C19orf47: variants seen among roughly 807,000 people sequenced by gnomAD.
C19orf47 encodes the protein chromosome 19 open reading frame 47, also known as uncharacterized protein C19orf47.
In C19orf47, 18 loss-of-function variants were observed where a neutral mutation model predicts 32.3. That is an observed-to-expected ratio of 0.56 (90% CI 0.39 to 0.83). The LOEUF is 0.83. C19orf47 is among the 40% of genes least tolerant of loss of function. C19orf47 has a pLI of 0.00. For missense variants in C19orf47, 484 were observed against 531.6 expected (o/e 0.91, Z 0.88); for synonymous variants, 202 against 211.1 (o/e 0.96, Z 0.37).
chr19:40,328,496 G>C lies in C19orf47; in HGVS notation c.356C>G (p.Pro119Arg), dbSNP rs2077881903. ...SLNHDSPPSTPPRRPDTSTSK... is the reference protein window; with the variant it reads ...SLNHDSPPSTRPRRPDTSTSK... The stretch of plus-strand genomic sequence containing the variant: ...GGTGCTGGTGTCCGGGCGCCTGGGG[G>C]GTGTGCTGGGTGGAGAGTCATGGTT... The change falls in exon 6 of 9, where the codon CCC becomes CGC. Residue 119 changes from proline to arginine, a missense_variant. Coordinates refer to ENST00000683109, the MANE Select transcript of C19orf47 (RefSeq NM_001256441.2). 6.2e-7 allele frequency: 1 copy of C among 1,611,660 alleles called. No individual in the cohort carries two copies. Among genetic ancestry groups the C allele is most frequent in the African/African-American group, 1.3e-5 (1 of 74,768 alleles).
intron 8 of C19orf47, 148 bp downstream of exon 8, chr19:40,323,858 C>T (rs1266796906): frequency 6.2e-6 from 6 of 963,926 alleles, no homozygotes; most frequent in East Asian, 4.9e-5. Context: ...ATGGGAAAGC[C>T]GCCAGTGCAA....
the C19orf47 span, among the ~76,000 whole-genome samples, chr19:40,294,076 C>T: frequency 6.6e-6 from 1 of 152,052 alleles, no homozygotes; most frequent in Non-Finnish European, 1.5e-5. Flanking sequence ...ACTGAGATGG[C>T]GCCACTGCAC....
chr19:40,313,944 G>A, the C19orf47 span, among the ~76,000 whole-genome samples: 2 of 151,498 alleles, frequency 1.3e-5, no homozygotes, highest in African/African-American at 2.4e-5. Context: ...AAAAAAAAAG[G>A]TATAGAAAAA....
At chr19:40,302,840 G>A in the C19orf47 span, among the ~76,000 whole-genome samples, 7 of 152,258 alleles carry the variant, frequency 4.6e-5, 1 homozygote, top group South Asian at 8.3e-4. Context: ...CTGAAAGTAA[G>A]ACTTCCTTTC....
intron 7 of C19orf47, among the ~76,000 whole-genome samples, chr19:40,325,529 G>C (rs907777053): frequency 2.6e-5 from 4 of 152,248 alleles, no homozygotes; most frequent in African/African-American, 7.2e-5. Context: ...TCGGGAGGCT[G>C]AGGCAGGACT....
intron 1 of C19orf47, among the ~76,000 whole-genome samples, chr19:40,344,207 A>G (rs2078229874): frequency 6.6e-6 from 1 of 151,614 alleles, no homozygotes; most frequent in Non-Finnish European, 1.5e-5. Flanking sequence ...GGCCAGGAGC[A>G]GTGGCTCGTG....
Position 40,322,061 on chromosome 19 carries a change from C to T in C19orf47, c.979G>A (p.Glu327Lys), listed in dbSNP as rs778917365. Residue 327 changes from glutamate to lysine, a missense_variant, in exon 9 of 9, where the codon GAG becomes AAG. Transcript: ENST00000683109. ...CTGGTGACCTGGCTGTCCTGGGCCT[C>T]GGGCACAAGGGCAGCTGCGCCCAGT... ...KRLGAAALVP[E>K]AQDSQVTSTK... is the part of the protein sequence containing the mutation. 92 of 1,614,058 alleles carry T rather than the reference C, an allele frequency of 5.7e-5. No individual in the cohort carries two copies. The highest frequency in any genetic ancestry group is 3.3e-4 in the Middle Eastern group (2 of 6,084).
chr19:40,346,495 TA>T (rs1263369273), intron 1 of C19orf47, among the ~76,000 whole-genome samples: 1 of 131,888 alleles, frequency 7.6e-6, no homozygotes, highest in African/African-American at 2.9e-5. Context: ...ATAATAAAAA[TA>T]AAAAAACACC....
At chr19:40,328,668 G>C in intron 5 of C19orf47, 118 bp from the exon 6 acceptor site, 1 of 1,343,138 alleles carries the variant, frequency 7.4e-7, no homozygotes, top group South Asian at 1.5e-5. Flanking sequence ...AAGGTCAGCG[G>C]GTATCACCCT....
the C19orf47 span, among the ~76,000 whole-genome samples, chr19:40,296,368 C>T: frequency 6.6e-6 from 1 of 152,054 alleles, no homozygotes; most frequent in Non-Finnish European, 1.5e-5. Flanking sequence ...GCGACCTCTG[C>T]CTCCTGGATT....
chr19:40,296,815 A>T, the C19orf47 span, among the ~76,000 whole-genome samples: 16,462 of 151,720 alleles, frequency 0.11, 1,252 homozygotes, highest in African/African-American at 0.21. Context: ...TTGGGAGGCT[A>T]AGGCAAGAGA....
chr19:40,339,980 C>CAA (rs548548957), intron 2 of C19orf47, among the ~76,000 whole-genome samples: 35 of 68,702 alleles, frequency 5.1e-4, no homozygotes, highest in Non-Finnish European at 6.4e-4. Flanking sequence ...CATCTCAAAA[C>CAA]AAAAAAAAAA....
the C19orf47 span, among the ~76,000 whole-genome samples, chr19:40,306,882 G>A: frequency 0.014 from 1,899 of 140,492 alleles, 53 homozygotes; most frequent in African/African-American, 0.048. Flanking sequence ...TCCGCCCCCC[G>A]GGGTTCACGC....
the C19orf47 span, among the ~76,000 whole-genome samples, chr19:40,300,568 T>C: frequency 1.3e-5 from 2 of 152,360 alleles, no homozygotes; most frequent in African/African-American, 4.8e-5. Context: ...TTTGTTACTA[T>C]GTTAACATGA....
the C19orf47 span, among the ~76,000 whole-genome samples, chr19:40,293,086 C>T: frequency 3.3e-5 from 5 of 152,090 alleles, no homozygotes; most frequent in African/African-American, 1.2e-4. Context: ...AGCTTCAATC[C>T]TCTGACACTT....
intron 1 of C19orf47, among the ~76,000 whole-genome samples, chr19:40,347,858 G>T (rs2078349037): frequency 6.6e-6 from 1 of 152,056 alleles, no homozygotes; most frequent in Non-Finnish European, 1.5e-5. Flanking sequence ...TACACACACA[G>T]ATTTCATCAG....
chr19:40,343,453 G>A (rs1237939673), intron 1 of C19orf47: 1 of 152,240 alleles, frequency 6.6e-6, no homozygotes, highest in Non-Finnish European at 1.5e-5. Context: ...TTGTGAATTG[G>A]GAGGGTGCAA....
chr19:40,309,255 G>C, the C19orf47 span, among the ~76,000 whole-genome samples: 1 of 148,418 alleles, frequency 6.7e-6, no homozygotes, highest in Middle Eastern at 3.2e-3. Flanking sequence ...ACAGTGGCTC[G>C]GTCTCAGCTC....
At chr19:40,326,925 C>A (rs1398143413) in intron 6 of C19orf47, among the ~76,000 whole-genome samples, 1 of 152,148 alleles carries the variant, frequency 6.6e-6, no homozygotes. Flanking sequence ...AAAAATGAAT[C>A]CCCTCAAACG....
Sources: gnomAD v4.1 joint callset for allele counts (sites outside exome capture counted in the v4.1 genomes callset) on GRCh38, gnomAD v4.1.1 for gene constraint, MANE v1.5 for transcripts, NCBI Gene and HGNC (gene_info 2026-07-23, HGNC 2026-07-21) for gene names.